The following TBL1XR1 variants were observed in gnomAD, a reference collection of about 807,000 sequenced individuals.
TBL1XR1 encodes the protein F-box-like/WD repeat-containing protein TBL1XR1.
In TBL1XR1, 5 loss-of-function variants were observed where a neutral mutation model predicts 66.9. The ratio of observed to expected loss-of-function variants is 0.07; its 90% confidence interval spans 0.04 to 0.16. TBL1XR1 has a LOEUF of 0.16. Among genes scored for constraint, TBL1XR1 ranks in the 10% least tolerant of loss-of-function variants. The pLI is 1.00. For synonymous variants in TBL1XR1, 210 were observed against 206.0 expected (o/e 1.02, Z -0.17); for missense variants, 238 against 623.2 (o/e 0.38, Z 6.58).
At position 177,161,849 on chromosome 3, in the gene TBL1XR1, G is replaced by T. The variant is rs4857821; in HGVS notation, c.-122+35272C>A. On this transcript the variant is annotated intron_variant, in intron 1 of 15. Transcript: ENST00000457928. ...AATCATATATCAACAATAAGCACAT[G>T]AAAATATTCTCAACATCATTTGTCA... is the stretch of plus-strand genomic sequence containing the variant. Among the ~76,000 whole-genome samples, 7,043 of 150,786 alleles carry T rather than the reference G, an allele frequency of 0.047. 757 individuals carry two copies. The East Asian group carries it at 0.48, about 10-fold the overall frequency.
chr3:177,054,058 G>T, intron 3 of TBL1XR1, 140 bp from the exon 4 acceptor site: 3 of 658,566 alleles, frequency 4.6e-6, no homozygotes, highest in Non-Finnish European at 7.5e-6. Flanking sequence ...GTGTGTGTGT[G>T]TGTGTGTGTG....
At chr3:177,182,292 T>C (rs1997394) in intron 1 of TBL1XR1, among the ~76,000 whole-genome samples, 86,677 of 151,872 alleles carry the variant, frequency 0.57, 25,110 homozygotes, top group East Asian at 0.75. Context: ...GCTGAGGTGA[T>C]AGGACCACCT....
chr3:177,137,615 G>A (rs1006890307), intron 1 of TBL1XR1, among the ~76,000 whole-genome samples: 1 of 152,212 alleles, frequency 6.6e-6, no homozygotes, highest in South Asian at 2.1e-4. Context: ...GCAGACAAAT[G>A]TATCTACTGC....
At chr3:177,141,883 T>C (rs1451741715) in intron 1 of TBL1XR1, among the ~76,000 whole-genome samples, 1 of 150,336 alleles carries the variant, frequency 6.7e-6, no homozygotes, top group Non-Finnish European at 1.5e-5. Flanking sequence ...GCAAGGAAAT[T>C]CTGACACATG....
intron 1 of TBL1XR1, among the ~76,000 whole-genome samples, chr3:177,166,994 T>C (rs1732900062): frequency 6.6e-6 from 1 of 152,214 alleles, no homozygotes; most frequent in Non-Finnish European, 1.5e-5. Flanking sequence ...AACATTTCCT[T>C]GGTATCTACC....
intron 2 of TBL1XR1, among the ~76,000 whole-genome samples, chr3:177,077,877 T>C (rs1490797668): frequency 1.3e-5 from 2 of 152,254 alleles, no homozygotes; most frequent in East Asian, 1.9e-4. Flanking sequence ...AAAAAGATTA[T>C]TGACCAGAAG....
At chr3:177,151,488 G>C (rs535994413) in intron 1 of TBL1XR1, among the ~76,000 whole-genome samples, 1 of 152,266 alleles carries the variant, frequency 6.6e-6, no homozygotes, top group South Asian at 2.1e-4. Context: ...ACATTTGAGG[G>C]ACTTAGACTG....
At chr3:177,056,440 G>A (rs185500342) in intron 3 of TBL1XR1, among the ~76,000 whole-genome samples, 1 of 152,280 alleles carries the variant, frequency 6.6e-6, no homozygotes, top group Admixed American at 6.5e-5. Context: ...GTGCTTACAT[G>A]CATCTCAAGG....
chr3:177,189,680 C>A (rs1213738545), intron 1 of TBL1XR1, among the ~76,000 whole-genome samples: 10 of 100,312 alleles, frequency 1.0e-4, no homozygotes, highest in Non-Finnish European at 1.8e-4. Flanking sequence ...GATGTAACAC[C>A]AAATTAGTTG....
chr3:177,156,373 C>T (rs1731503896), intron 1 of TBL1XR1, among the ~76,000 whole-genome samples: 1 of 151,482 alleles, frequency 6.6e-6, no homozygotes, highest in South Asian at 2.1e-4. Context: ...GTGGCGGGCG[C>T]CTGTAATCCC....
chr3:177,089,161 TGAGTAAA>T (rs1722520372), intron 2 of TBL1XR1, among the ~76,000 whole-genome samples: 2 of 152,206 alleles, frequency 1.3e-5, no homozygotes, highest in Admixed American at 6.5e-5. Flanking sequence ...GGGTGGTTTA[TGAGTAAA>T]AGAGGTGATT....
At chr3:177,188,976 G>C (rs183364112) in intron 1 of TBL1XR1, among the ~76,000 whole-genome samples, 6 of 152,196 alleles carry the variant, frequency 3.9e-5, no homozygotes, top group African/African-American at 1.2e-4. Flanking sequence ...GGGAGGCCGA[G>C]GCGGGTGGAT....
At chr3:177,111,372 A>C (rs1261214051) in intron 1 of TBL1XR1, among the ~76,000 whole-genome samples, 1 of 151,676 alleles carries the variant, frequency 6.6e-6, no homozygotes, top group Non-Finnish European at 1.5e-5. Flanking sequence ...TCCTGGGTTC[A>C]AGCGATTCAC....
chr3:177,172,046 G>A (rs978516047), intron 1 of TBL1XR1, among the ~76,000 whole-genome samples: 6 of 151,920 alleles, frequency 3.9e-5, no homozygotes, highest in Admixed American at 6.6e-5. Flanking sequence ...CAGGCGGATA[G>A]GTCAGGAGAT....
At chr3:177,175,454 T>C (rs1329490183) in intron 1 of TBL1XR1, among the ~76,000 whole-genome samples, 1 of 152,230 alleles carries the variant, frequency 6.6e-6, no homozygotes, top group African/African-American at 2.4e-5. Context: ...AAAAAATATT[T>C]TGAGACTAAT....
intron 2 of TBL1XR1, among the ~76,000 whole-genome samples, chr3:177,093,677 C>G (rs1577143167): frequency 6.6e-6 from 1 of 152,200 alleles, no homozygotes; most frequent in Admixed American, 6.5e-5. Flanking sequence ...CAAATATTTA[C>G]AGCCAACTGA....
intron 1 of TBL1XR1, among the ~76,000 whole-genome samples, chr3:177,104,071 A>C (rs1162593168): frequency 6.6e-6 from 1 of 151,146 alleles, no homozygotes; most frequent in African/African-American, 2.4e-5. Flanking sequence ...AGCTGAGATC[A>C]CATCACTGCA....
At chr3:177,031,053 A>G (rs1713916783) in intron 14 of TBL1XR1, among the ~76,000 whole-genome samples, 1 of 152,200 alleles carries the variant, frequency 6.6e-6, no homozygotes, top group African/African-American at 2.4e-5. Context: ...TGGAGGTTGC[A>G]GTTAGCCGAG....
At chr3:177,184,396 T>C (rs565575711) in intron 1 of TBL1XR1, among the ~76,000 whole-genome samples, 1 of 152,286 alleles carries the variant, frequency 6.6e-6, no homozygotes, top group African/African-American at 2.4e-5. Context: ...TCCAAACCCT[T>C]GGCAAAGCAA....
Sources: allele counts gnomAD v4.1 joint callset (sites outside exome capture counted in the v4.1 genomes callset), GRCh38; gene constraint gnomAD v4.1.1; transcripts MANE v1.5; gene names NCBI Gene and HGNC (gene_info 2026-07-23, HGNC 2026-07-21).